Variants in TFB1M observed in about 807,000 individuals in gnomAD.
TFB1M encodes transcription factor B1, mitochondrial, also known as dimethyladenosine transferase 1, mitochondrial.
In TFB1M, 27 loss-of-function variants were observed where a neutral mutation model predicts 31.1. The ratio of observed to expected loss-of-function variants is 0.87; its 90% CI spans 0.64 to 1.20. TFB1M has a LOEUF of 1.20. TFB1M is among the 50% of genes most tolerant of loss of function. The pLI is 0.00. For missense variants in TFB1M, 394 were observed against 418.7 expected, an observed-to-expected ratio of 0.94 and a Z score of 0.51; for synonymous variants, 166 against 151.8, an observed-to-expected ratio of 1.09 and a Z score of -0.69.
At chr6:155,293,581 C>T (rs933738297) in intron 4 of TFB1M, among the ~76,000 whole-genome samples, 4 of 152,152 alleles carry the variant, frequency 2.6e-5, no homozygotes, top group Non-Finnish European at 5.9e-5. Flanking sequence ...ATTAGATATA[C>T]AGAATTCTTG....
chr6:155,231,576 G>A, the TFB1M span, among the ~76,000 whole-genome samples: 22 of 152,312 alleles, frequency 1.4e-4, no homozygotes, highest in South Asian at 2.1e-4. Context: ...GGAGCATGCC[G>A]GTCCAGGAGA....
chr6:155,255,056 T>C (rs1783912938), downstream of TFB1M: 11 of 156,860 alleles, frequency 7.0e-5, no homozygotes, highest in Admixed American at 6.7e-4. Context: ...ATTCTGTTTT[T>C]TGCTTCTAGT....
At position 155,311,271 on chromosome 6, in the gene TFB1M, C is replaced by T. The variant is rs1333784272; in HGVS notation, c.202G>A (p.Gly68Arg). 6.2e-7 allele frequency: 1 copy of T among 1,613,826 alleles called. No homozygotes were observed. The highest frequency in any genetic ancestry group is 8.5e-7 in the Non-Finnish European group (1 of 1,179,862). The part of the protein sequence containing the change: ...YVYEVGPGPG[G>R]ITRSILNADV... ...GCATTAAGAATAGATCTTGTGATTC[C>T]CCCTGGCCCAGGGCCCACTTCGTAA... The change falls in exon 2 of 7, where the codon GGA becomes AGA. Residue 68 changes from glycine (G) to arginine (R), a missense_variant. Transcript: ENST00000367166.
At chr6:155,262,351 GATTTGTAT>G (rs1166918995) in intron 5 of TFB1M, among the ~76,000 whole-genome samples, 2 of 152,244 alleles carry the variant, frequency 1.3e-5, no homozygotes, top group Non-Finnish European at 2.9e-5. Context: ...GCCTCCTCCT[GATTTGTAT>G]AGAGAAGTGG....
chr6:155,235,024 A>G, the TFB1M span, among the ~76,000 whole-genome samples: 9 of 147,926 alleles, frequency 6.1e-5, no homozygotes, highest in African/African-American at 1.7e-4. Flanking sequence ...AGCTAGAGAC[A>G]GAGCACAGCT....
the TFB1M span, among the ~76,000 whole-genome samples, chr6:155,245,113 A>G: frequency 1.3e-5 from 2 of 152,128 alleles, no homozygotes; most frequent in Non-Finnish European, 2.9e-5. Context: ...CCTGTGCCCA[A>G]TCCTTCTTCC....
At chr6:155,242,410 A>C in the TFB1M span, among the ~76,000 whole-genome samples, 2 of 152,322 alleles carry the variant, frequency 1.3e-5, no homozygotes, top group Middle Eastern at 3.4e-3. Flanking sequence ...GTGTTCCCTG[A>C]GATATGATTC....
At chr6:155,247,261 G>T in the TFB1M span, among the ~76,000 whole-genome samples, 1 of 152,206 alleles carries the variant, frequency 6.6e-6, no homozygotes. Flanking sequence ...AAAAACACTG[G>T]TTTATTTTCC....
At chr6:155,247,297 G>C in the TFB1M span, among the ~76,000 whole-genome samples, 10 of 152,202 alleles carry the variant, frequency 6.6e-5, no homozygotes, top group African/African-American at 2.4e-4. Flanking sequence ...TGGGTATGGT[G>C]TAGGGTCTGG....
At chr6:155,308,294 G>C (rs1274663207) in intron 2 of TFB1M, among the ~76,000 whole-genome samples, 1 of 152,188 alleles carries the variant, frequency 6.6e-6, no homozygotes, top group Non-Finnish European at 1.5e-5. Flanking sequence ...TAGCACTGGA[G>C]AATTTTCTAG....
chr6:155,261,522 T>C (rs763508826), intron 5 of TFB1M, among the ~76,000 whole-genome samples: 9 of 152,134 alleles, frequency 5.9e-5, no homozygotes, highest in Non-Finnish European at 1.2e-4. Context: ...TCTTTTAGGG[T>C]AGAAGGAAAA....
At chr6:155,286,512 T>C (rs1032505620) in intron 4 of TFB1M, among the ~76,000 whole-genome samples, 2 of 136,066 alleles carry the variant, frequency 1.5e-5, no homozygotes, top group African/African-American at 3.0e-5. Context: ...TATATATATG[T>C]GTGTATATAT....
At chr6:155,240,568 C>G in the TFB1M span, 3 of 1,614,098 alleles carry the variant, frequency 1.9e-6, no homozygotes, top group Non-Finnish European at 2.5e-6. Context: ...GGAGTTTTAA[C>G]GACAGTCAGG....
Position 155,257,757 on chromosome 6 carries a change from A to G in TFB1M, c.*79T>C. On this transcript the variant is annotated 3_prime_UTR_variant, in exon 7 of 7. Transcript: ENST00000367166. ...TTGGCATTTGTATCGTCATTCTGTA[A>G]AGACAAAAGAGTACCTATATAAGAA... 2 of 1,554,696 alleles carry G rather than the reference A, an allele frequency of 1.3e-6. No individual in the cohort carries two copies. The highest frequency in any genetic ancestry group is 8.8e-7 in the Non-Finnish European group (1 of 1,139,804).
chr6:155,258,518 G>GAGTT (rs1253799733), intron 6 of TFB1M, among the ~76,000 whole-genome samples: 1 of 146,386 alleles, frequency 6.8e-6, no homozygotes, highest in African/African-American at 2.6e-5. Context: ...CACGCTAAAA[G>GAGTT]AGTTACTTTT....
chr6:155,261,341 ACGG>A (rs1349828477), intron 5 of TFB1M, among the ~76,000 whole-genome samples: 1 of 152,248 alleles, frequency 6.6e-6, no homozygotes, highest in Non-Finnish European at 1.5e-5. Flanking sequence ...CGAAGAAAGT[ACGG>A]CAATTTAGGA....
At chr6:155,242,873 C>A in the TFB1M span, among the ~76,000 whole-genome samples, 38 of 151,198 alleles carry the variant, frequency 2.5e-4, no homozygotes, top group African/African-American at 9.2e-4. Context: ...GTAGCTGGGA[C>A]TACAGGCACC....
At chr6:155,312,516 T>TAATAC (rs1026014346) in intron 1 of TFB1M, among the ~76,000 whole-genome samples, 2 of 152,206 alleles carry the variant, frequency 1.3e-5, no homozygotes, top group African/African-American at 4.8e-5. Context: ...GGAATAAATT[T>TAATAC]AATACTCTCC....
At chr6:155,239,401 C>A in the TFB1M span, among the ~76,000 whole-genome samples, 1 of 152,162 alleles carries the variant, frequency 6.6e-6, no homozygotes, top group East Asian at 1.9e-4. Context: ...AAAGAAGCCA[C>A]CCTGCCCTCA....
Sources: allele counts gnomAD v4.1 joint callset (sites outside exome capture counted in the v4.1 genomes callset), GRCh38; gene constraint gnomAD v4.1.1; transcripts MANE v1.5; gene names NCBI Gene and HGNC (gene_info 2026-07-23, HGNC 2026-07-21).